FOXN3: variants seen among roughly 807,000 people sequenced by gnomAD.
FOXN3 encodes forkhead box N3, also known as forkhead box protein N3.
FOXN3 carries 7 observed loss-of-function variants against 38.4 expected under a neutral mutation model. That is an observed-to-expected ratio of 0.18 (90% CI 0.10 to 0.34). The LOEUF is 0.34. FOXN3 is among the 10% of genes least tolerant of loss of function. The pLI is 1.00. For missense variants in FOXN3, 456 were observed against 613.4 expected (o/e 0.74, Z 2.71); for synonymous variants, 230 against 242.2 (o/e 0.95, Z 0.47).
At chr14:89,248,598 AGTGCATGCCTACGTGTGCTGTGCTAC>A (rs1885363398) in intron 4 of FOXN3, among the ~76,000 whole-genome samples, 1 of 152,238 alleles carries the variant, frequency 6.6e-6, no homozygotes, top group Non-Finnish European at 1.5e-5. Context: ...AGAAAAGATA[AGTGCATGCCTACGTGTGCTGTGCTAC>A]GTGAGGCAGT....
intron 1 of FOXN3, among the ~76,000 whole-genome samples, chr14:89,415,254 CAGTAA>C (rs981945312): frequency 1.3e-5 from 2 of 152,156 alleles, no homozygotes; most frequent in East Asian, 1.9e-4. Context: ...TCATGGCTGA[CAGTAA>C]AGTAATTTAA....
intron 3 of FOXN3, among the ~76,000 whole-genome samples, chr14:89,334,618 T>TAAAAA: frequency 6.6e-6 from 1 of 151,106 alleles, no homozygotes; most frequent in Non-Finnish European, 1.5e-5. Context: ...AAACATAAAA[T>TAAAAA]AAAATAAAAT....
At chr14:89,615,388 T>C (rs1896477222) in intron 1 of FOXN3, among the ~76,000 whole-genome samples, 1 of 152,224 alleles carries the variant, frequency 6.6e-6, no homozygotes, top group Non-Finnish European at 1.5e-5. Context: ...TTGAACATCT[T>C]GTTCATTTGT....
chr14:89,337,389 A>C (rs1888493313), intron 3 of FOXN3, among the ~76,000 whole-genome samples: 1 of 152,186 alleles, frequency 6.6e-6, no homozygotes, highest in Non-Finnish European at 1.5e-5. Context: ...CAAGAGATTT[A>C]AACACGGATT....
rs147458832 is a variant in FOXN3, at chr14:89,499,457, T to C, written c.-14-86967A>G. Among the ~76,000 whole-genome samples the C allele has an allele frequency of 4.9e-3, 733 of 150,816 alleles. 7 individuals carry two copies. Among genetic ancestry groups the C allele is most frequent in the African/African-American group, 0.017 (701 of 40,344 alleles). ...GGGTGTTTTTACATGGGAATGTCTT[T>C]TGATTTTGATTTTTTTTTTTTTTGC... On this transcript the variant is annotated intron_variant, in intron 1 of 6. Coordinates refer to the FOXN3 transcript ENST00000345097.
chr14:89,346,744 TG>T (rs1284027247), intron 3 of FOXN3, among the ~76,000 whole-genome samples: 1 of 152,044 alleles, frequency 6.6e-6, no homozygotes, highest in East Asian at 1.9e-4. Flanking sequence ...ATTCCAGGAG[TG>T]GAGAGTTCCG....
chr14:89,531,963 C>A (rs973100162), intron 1 of FOXN3, among the ~76,000 whole-genome samples: 22 of 152,332 alleles, frequency 1.4e-4, no homozygotes, highest in African/African-American at 4.6e-4. Context: ...CATGAGCCAC[C>A]ACACCTGGCC....
chr14:89,418,708 T>C (rs963967720), upstream of FOXN3, among the ~76,000 whole-genome samples: 3 of 151,992 alleles, frequency 2.0e-5, no homozygotes, highest in Non-Finnish European at 2.9e-5. Context: ...ACGCCAGAGA[T>C]TCTCAGGGTT....
intron 3 of FOXN3, among the ~76,000 whole-genome samples, chr14:89,284,866 G>A (rs889180823): frequency 6.6e-6 from 1 of 152,158 alleles, no homozygotes; most frequent in African/African-American, 2.4e-5. Context: ...CAAGAGGTGA[G>A]TGATACCATC....
intron 3 of FOXN3, among the ~76,000 whole-genome samples, chr14:89,320,036 C>T (rs1442042789): frequency 6.6e-6 from 1 of 152,136 alleles, no homozygotes; most frequent in Non-Finnish European, 1.5e-5. Context: ...ACAATTAAAA[C>T]TTTAATTAAC....
At chr14:89,309,613 G>A (rs1256511147) in intron 3 of FOXN3, among the ~76,000 whole-genome samples, 1 of 152,134 alleles carries the variant, frequency 6.6e-6, no homozygotes, top group Non-Finnish European at 1.5e-5. Context: ...TTTAGCCCAG[G>A]GGGGTCTCTG....
At chr14:89,437,934 A>G (rs554804616) in intron 1 of FOXN3, among the ~76,000 whole-genome samples, 1 of 152,338 alleles carries the variant, frequency 6.6e-6, no homozygotes, top group Admixed American at 6.5e-5. Context: ...ATGACAGACA[A>G]TGAGCTAGGG....
intron 2 of FOXN3, among the ~76,000 whole-genome samples, chr14:89,411,581 G>A (rs552188137): frequency 6.6e-6 from 1 of 152,268 alleles, no homozygotes; most frequent in Non-Finnish European, 1.5e-5. Context: ...ATACTTCACG[G>A]TTAATGGCTG....
intron 2 of FOXN3, among the ~76,000 whole-genome samples, chr14:89,369,499 T>C (rs1890251735): frequency 6.6e-6 from 1 of 152,194 alleles, no homozygotes; most frequent in Non-Finnish European, 1.5e-5. Context: ...GGAAAGGTTA[T>C]TAGTCCATTC....
chr14:89,453,152 C>T (rs924275173), intron 1 of FOXN3, among the ~76,000 whole-genome samples: 4 of 151,790 alleles, frequency 2.6e-5, no homozygotes, highest in South Asian at 2.1e-4. Context: ...CGAGCCGAGA[C>T]GGCGCCATTG....
Position 89,558,395 on chromosome 14 carries a change from G to A in FOXN3, c.-15+60633C>T, listed in dbSNP as rs140046460. 5.1e-3 allele frequency among the ~76,000 whole-genome samples: 781 copies of A among 152,290 alleles called. 5 individuals carry two copies. The highest frequency in any genetic ancestry group is 0.018 in the African/African-American group (750 of 41,566). On this transcript the variant is annotated intron_variant, in intron 1 of 6. Transcript: ENST00000345097. Reference sequence around the variant, plus strand: ...AGACATCGAAGGTGACAGGCAGACCGTCTGCTGGGGCAAGCAGGACCCCAC... The same window carrying A: ...AGACATCGAAGGTGACAGGCAGACCATCTGCTGGGGCAAGCAGGACCCCAC...
At chr14:89,237,493 T>A (rs1468220567) in intron 4 of FOXN3, among the ~76,000 whole-genome samples, 1 of 151,546 alleles carries the variant, frequency 6.6e-6, no homozygotes, top group Non-Finnish European at 1.5e-5. Context: ...GCATTTATCA[T>A]CGTAAATGAT....
chr14:89,487,946 C>A (rs578068901), intron 1 of FOXN3, among the ~76,000 whole-genome samples: 36 of 152,142 alleles, frequency 2.4e-4, no homozygotes, highest in African/African-American at 7.5e-4. Context: ...GCAACCAAAG[C>A]GAAGGCCCGG....
intron 5 of FOXN3, among the ~76,000 whole-genome samples, chr14:89,176,769 T>G (rs201538322): frequency 6.6e-6 from 1 of 152,216 alleles, no homozygotes; most frequent in Non-Finnish European, 1.5e-5. Flanking sequence ...ATTAGGCAGA[T>G]GCCTCCATAG....
Sources: gnomAD v4.1 joint callset for allele counts (sites outside exome capture counted in the v4.1 genomes callset) on GRCh38, gnomAD v4.1.1 for gene constraint, MANE v1.5 for transcripts, NCBI Gene and HGNC (gene_info 2026-07-23, HGNC 2026-07-21) for gene names.